Variants in CHRD observed in about 807,000 individuals in gnomAD.
CHRD encodes the protein chordin.
In CHRD, 69 loss-of-function variants were observed where a neutral mutation model predicts 113.7. The ratio of observed to expected loss-of-function variants is 0.61; its 90% CI spans 0.50 to 0.74. The LOEUF (loss-of-function observed/expected upper bound fraction) is 0.74, where lower values mean the gene tolerates loss of function less well. CHRD is among the 30% of genes least tolerant of loss of function. The pLI, the probability that CHRD is intolerant of heterozygous loss-of-function variation, is 0.00. For synonymous variants in CHRD, 561 were observed against 540.8 expected (o/e 1.04, Z -0.52); for missense variants, 1,194 against 1,295.8 (o/e 0.92, Z 1.21).
Position 184,381,188 on chromosome 3 carries a change from G to A in CHRD, c.253-47G>A, listed in dbSNP as rs771758431. ...ATCCTTGCCTGGGGGGGTCTCATCA[G>A]TTGGCATCTTGCACTCACTTGGGTT... is the stretch of plus-strand genomic sequence containing the variant. On this transcript the variant is annotated intron_variant, in intron 2 of 22. Coordinates refer to ENST00000204604, the Ensembl canonical transcript of CHRD. This position sits in a 1 kb window ranked among gnomAD's most constrained non-coding sequence, Gnocchi z 4.7. 6.2e-7 allele frequency: 1 copy of A among 1,610,506 alleles called. No individual in the cohort carries two copies.
intron 12 of CHRD, 81 bp downstream of exon 12, chr3:184,383,723 A>G: frequency 7.3e-7 from 1 of 1,368,504 alleles, no homozygotes; most frequent in Non-Finnish European, 9.9e-7. Context: ...AGGGATGTTC[A>G]TTATCATCCA....
chr3:184,381,571 GC>G lies in CHRD; in HGVS notation c.459del (p.Ser153ArgfsTer24). On this transcript the variant is annotated frameshift_variant, in exon 4 of 23. Transcript: ENST00000204604. LOFTEE classifies it high-confidence loss of function. This position sits in a 1 kb window ranked among gnomAD's most constrained non-coding sequence, Gnocchi z 4.7. ...CGGGACCCGGAGCATCGCAGTTATA[GC>G]GACCGCGGGGAGCCAGGCGCTGAGG... The G allele has an allele frequency of 6.2e-7, 1 of 1,608,788 alleles. No individual in the cohort carries two copies. Among genetic ancestry groups the G allele is most frequent in the Non-Finnish European group, 8.5e-7 (1 of 1,177,948 alleles).
In CHRD at chr3:184,389,353, C is replaced by T. The variant is rs1360070678; in HGVS notation, c.2813-14C>T. On this transcript the variant is annotated splice_polypyrimidine_tract_variant and intron_variant, in intron 22 of 22. Transcript: ENST00000204604. ...CTCTCCCCTCCTCCAACATTCCCTC[C>T]CTTCTGTCTCCAGCAGCCCCAGAGA... The T allele has an allele frequency of 6.2e-7, 1 of 1,612,798 alleles. No individual in the cohort carries two copies. Among genetic ancestry groups the T allele is most frequent in the Admixed American group, 1.7e-5 (1 of 59,842 alleles).
rs1715499955 is a variant in CHRD at position 184,381,886 on chromosome 3, G to C, written c.612-47G>C. On this transcript the variant is annotated intron_variant, in intron 5 of 22. Coordinates refer to ENST00000204604, the Ensembl canonical transcript of CHRD. This position sits in a 1 kb window ranked among gnomAD's most constrained non-coding sequence, Gnocchi z 4.7. ...GGAGGGAAACTGGGAGAGCTGGGAG[G>C]GGCTGCTTTTGGCTCAGTCCGGCCT... 1 of 1,612,590 alleles carries C rather than the reference G, an allele frequency of 6.2e-7. No individual in the cohort carries two copies. Among genetic ancestry groups the C allele is most frequent in the Non-Finnish European group, 8.5e-7 (1 of 1,179,396 alleles).
Position 184,380,541 on chromosome 3 carries a change from C to G in CHRD, c.148+75C>G. On this transcript the variant is annotated intron_variant, in intron 1 of 22. Coordinates refer to ENST00000204604, the Ensembl canonical transcript of CHRD. This position sits in a 1 kb window ranked among gnomAD's most constrained non-coding sequence, Gnocchi z 6.3. ...AGTCAGCGCCAGCCCGGAGGGGGCG[C>G]GGGGCGCAGGTGGCTCGGCGCGGCG... is the stretch of plus-strand genomic sequence containing the variant. 9.9e-7 allele frequency: 1 copy of G among 1,013,008 alleles called. No individual in the cohort carries two copies. 62.8% of individuals were successfully genotyped at this position (1,013,008 alleles called of 1,614,324 possible). A position where few individuals can be genotyped will look rare whatever the true frequency, so the allele number is the denominator to read the frequency against.
Position 184,380,369 on chromosome 3 carries a change from G to A in CHRD, c.51G>A (p.Leu17=). The stretch of plus-strand genomic sequence containing the variant: ...CCCCGCTGCTGCTCCTCGGGCTGCT[G>A]CTGCTCGGCTCCCGGCCGGCCCGCG... Residue 17 remains leucine, a synonymous_variant, in exon 1 of 23, where the codon CTG becomes CTA. Transcript: ENST00000204604. The surrounding 1 kb of genome is among the most constrained non-coding windows in gnomAD (Gnocchi z 6.3). 7.4e-7 allele frequency: 1 copy of A among 1,352,582 alleles called. No homozygotes were observed. 83.8% of individuals were successfully genotyped at this position (1,352,582 alleles called of 1,614,324 possible).
chr3:184,381,829 A>G lies in CHRD; in HGVS notation c.611+14A>G, dbSNP rs780050353. 5 of 1,611,986 alleles carry G rather than the reference A, an allele frequency of 3.1e-6. No individual in the cohort carries two copies. In the South Asian group the frequency reaches 5.5e-5, roughly 18 times the overall value. On this transcript the variant is annotated intron_variant, in intron 5 of 22. Coordinates refer to ENST00000204604, the Ensembl canonical transcript of CHRD. This position sits in a 1 kb window ranked among gnomAD's most constrained non-coding sequence, Gnocchi z 4.7. ...CTCCTACAGGCGGTGAGAAAGGGGA[A>G]GGAGCAAGGAGGGGTCAGCTGCCGG...
At chr3:184,385,999 C>G (rs771058872) in intron 14 of CHRD, 47 bp from the exon 15 acceptor site, 47 of 1,586,426 alleles carry the variant, frequency 3.0e-5, no homozygotes, top group Non-Finnish European at 3.9e-5. Context: ...ACAGTAGGCT[C>G]AGCCCTAAAG....
rs1715381949 is a variant in CHRD, at chr3:184,381,427, T to A, written c.382+63T>A. On this transcript the variant is annotated intron_variant, in intron 3 of 22. Coordinates refer to ENST00000204604, the Ensembl canonical transcript of CHRD. This position sits in a 1 kb window ranked among gnomAD's most constrained non-coding sequence, Gnocchi z 4.7. ...CCACGATACTAGGTCCCGGGCCACT[T>A]GGATGGGGCGTCGGACTGGCCTTTC... The A allele has an allele frequency of 6.9e-6, 11 of 1,598,684 alleles. No individual in the cohort carries two copies. The highest frequency in any genetic ancestry group is 1.7e-4 in the Middle Eastern group (1 of 6,050).
In CHRD at chr3:184,388,891, A is replaced by T; in HGVS notation, c.2710-2A>T. ...CTCAGTGTCTGCTCTGTCTTGTACC[A>T]GGCAGGGGTGCCTCACTGTGAGCGG... On this transcript the variant is annotated splice_acceptor_variant, in intron 21 of 22. Coordinates refer to ENST00000204604, the Ensembl canonical transcript of CHRD. LOFTEE classifies it high-confidence loss of function. This position sits in a 1 kb window ranked among gnomAD's most constrained non-coding sequence, Gnocchi z 6.1. 6.2e-7 allele frequency: 1 copy of T among 1,612,742 alleles called. No individual in the cohort carries two copies. Among genetic ancestry groups the T allele is most frequent in the South Asian group, 1.1e-5 (1 of 91,056 alleles).
At position 184,381,538 on chromosome 3, in the gene CHRD, A is replaced by G; in HGVS notation, c.425A>G (p.Glu142Gly). 6.2e-7 allele frequency: 1 copy of G among 1,607,528 alleles called. No homozygotes were observed. The highest frequency in any genetic ancestry group is 8.5e-7 in the Non-Finnish European group (1 of 1,177,628). The change falls in exon 4 of 23, where the codon GAG (glutamate) becomes GGG (glycine). Residue 142 changes from glutamate (E) to glycine (G), a missense_variant. By Grantham distance (98) the Glu-to-Gly change is moderately conservative. Coordinates refer to ENST00000204604, the Ensembl canonical transcript of CHRD. This position sits in a 1 kb window ranked among gnomAD's most constrained non-coding sequence, Gnocchi z 4.7. ...CGGCAGCCGAGCGGCCTGTCCTTCG[A>G]GTATCCGCGGGACCCGGAGCATCGC...
chr3:184,388,577 C>T lies in CHRD; in HGVS notation c.2555-10C>T. The T allele has an allele frequency of 3.1e-6, 5 of 1,606,706 alleles. No individual in the cohort carries two copies. The highest frequency in any genetic ancestry group is 4.2e-6 in the Non-Finnish European group (5 of 1,179,344). On this transcript the variant is annotated splice_polypyrimidine_tract_variant and intron_variant, in intron 20 of 22. Transcript: ENST00000204604. This position sits in a 1 kb window ranked among gnomAD's most constrained non-coding sequence, Gnocchi z 6.1. Reference sequence around the variant, plus strand: ...TCCTGGGCTGATCCTTTCTCTTTCCCTCTCAACAGTGGGGTCGGGGGCCCA... The same window carrying T: ...TCCTGGGCTGATCCTTTCTCTTTCCTTCTCAACAGTGGGGTCGGGGGCCCA...
At position 184,387,122 on chromosome 3, in the gene CHRD, T is replaced by G; in HGVS notation, c.2347+15T>G. On this transcript the variant is annotated intron_variant, in intron 18 of 22. Transcript: ENST00000204604. This position sits in a 1 kb window ranked among gnomAD's most constrained non-coding sequence, Gnocchi z 6.1. ...CCCAGGAGAGGGTGAGCTGGAAGGGTGCGTGCAGGGTGGGAGGCCCCAGAG... is the reference window on the plus strand; with the variant it reads ...CCCAGGAGAGGGTGAGCTGGAAGGGGGCGTGCAGGGTGGGAGGCCCCAGAG... The G allele has an allele frequency of 1.2e-6, 2 of 1,610,922 alleles. No homozygotes were observed. The highest frequency in any genetic ancestry group is 1.7e-6 in the Non-Finnish European group (2 of 1,178,560).
chr3:184,384,124 A>T lies in CHRD; in HGVS notation c.1441-413A>T, dbSNP rs1194006154. ...CAGACTAGGGACTAGAGTACAAAGCAAATCATATGTGGCCCCTGTGCTTAG... is the reference window on the plus strand; with the variant it reads ...CAGACTAGGGACTAGAGTACAAAGCTAATCATATGTGGCCCCTGTGCTTAG... On this transcript the variant is annotated intron_variant, in intron 12 of 22. Coordinates refer to ENST00000204604, the Ensembl canonical transcript of CHRD. This position sits in a 1 kb window ranked among gnomAD's most constrained non-coding sequence, Gnocchi z 4.4. Among the ~76,000 whole-genome samples the T allele has an allele frequency of 6.6e-6, 1 of 152,200 alleles. No homozygotes were observed. Among genetic ancestry groups the T allele is most frequent in the African/African-American group, 2.4e-5 (1 of 41,446 alleles).
In CHRD at chr3:184,381,456, T is replaced by A. The variant is rs538246209; in HGVS notation, c.383-40T>A. ...TGGGGCGTCGGACTGGCCTTTCCCATGGCCAGCTGAAGCCCGTGTTCTTAC... is the reference window on the plus strand; with the variant it reads ...TGGGGCGTCGGACTGGCCTTTCCCAAGGCCAGCTGAAGCCCGTGTTCTTAC... On this transcript the variant is annotated intron_variant, in intron 3 of 22. Transcript: ENST00000204604. The surrounding 1 kb of genome is among the most constrained non-coding windows in gnomAD (Gnocchi z 4.7). 5 of 1,591,406 alleles carry A rather than the reference T, an allele frequency of 3.1e-6. No individual in the cohort carries two copies. The highest frequency in any genetic ancestry group is 3.4e-6 in the Non-Finnish European group (4 of 1,169,052).
At position 184,388,151 on chromosome 3, in the gene CHRD, G is replaced by A. The variant is rs935859879; in HGVS notation, c.2554+118G>A. ...TATACTGAGCACTGCTCTGTGCCTA[G>A]CCTGGAGCCAGGACTCTAAATGCAG... On this transcript the variant is annotated intron_variant, in intron 20 of 22. Coordinates refer to ENST00000204604, the Ensembl canonical transcript of CHRD. The surrounding 1 kb of genome is among the most constrained non-coding windows in gnomAD (Gnocchi z 6.1). 3 of 875,372 alleles carry A rather than the reference G, an allele frequency of 3.4e-6. No homozygotes were observed. The African/African-American group carries it at 5.0e-5, about 15-fold the overall frequency. The allele number at this position is 875,372 out of a possible 1,614,324, so 54.2% of individuals were successfully genotyped here.
chr3:184,385,261 C>T (rs749105484), intron 14 of CHRD, 23 bp downstream of exon 14: 2 of 1,569,926 alleles, frequency 1.3e-6, no homozygotes, highest in Non-Finnish European at 1.8e-6. Flanking sequence ...TGGTAGGCGG[C>T]AGCTTGGAAC....
At chr3:184,386,976 C>A in intron 17 of CHRD, 38 bp downstream of exon 17, 5 of 1,614,000 alleles carry the variant, frequency 3.1e-6, no homozygotes, top group Non-Finnish European at 4.2e-6. Flanking sequence ...AGGAGTTGGC[C>A]CAGTGCGGAC....
chr3:184,381,656 T>A lies in CHRD; in HGVS notation c.511+32T>A, dbSNP rs757147416. On this transcript the variant is annotated intron_variant, in intron 4 of 22. Transcript: ENST00000204604. This position sits in a 1 kb window ranked among gnomAD's most constrained non-coding sequence, Gnocchi z 4.7. ...GGCTGGCGAACAGCGGGGTTGTGGT[T>A]GAGGCTGGGCCACCAAAGCGGCGTT... The A allele has an allele frequency of 1.9e-6, 3 of 1,605,026 alleles. No homozygotes were observed. The South Asian group carries it at 3.3e-5, about 18-fold the overall frequency.
Sources: allele counts gnomAD v4.1 joint callset (sites outside exome capture counted in the v4.1 genomes callset), GRCh38; gene constraint gnomAD v4.1.1; non-coding constraint Gnocchi (gnomAD v3.1); transcripts MANE v1.5; gene names NCBI Gene and HGNC (gene_info 2026-07-23, HGNC 2026-07-21).